Variants in MARCHF8 observed in about 807,000 individuals in gnomAD.
MARCHF8 encodes membrane associated ring-CH-type finger 8.
A neutral mutation model predicts 51.6 loss-of-function variants in MARCHF8; 40 were observed. That is an observed-to-expected ratio of 0.77 (90% CI 0.60 to 1.01). MARCHF8 has a LOEUF of 1.01. Ranked by LOEUF, MARCHF8 falls within the 50% of genes least tolerant of loss-of-function variation. The pLI is 0.00. For synonymous variants in MARCHF8, 263 were observed against 280.3 expected (o/e 0.94, Z 0.62); for missense variants, 685 against 708.6 (o/e 0.97, Z 0.38).
At chr10:45,573,220 A>G (rs2044451603) in intron 1 of MARCHF8, among the ~76,000 whole-genome samples, 1 of 152,144 alleles carries the variant, frequency 6.6e-6, no homozygotes, top group Non-Finnish European at 1.5e-5. Flanking sequence ...ATGCATTTTA[A>G]CACCCAGTCA....
chr10:45,463,094 G>C (rs1842844961), intron 5 of MARCHF8, 57 bp downstream of exon 5: 1 of 1,492,692 alleles, frequency 6.7e-7, no homozygotes, highest in Non-Finnish European at 8.9e-7. Flanking sequence ...ACTAAAGCAA[G>C]AGGAGGTTCC....
intron 2 of MARCHF8, among the ~76,000 whole-genome samples, chr10:45,512,461 C>T (rs1183274101): frequency 4.0e-5 from 6 of 151,174 alleles, no homozygotes; most frequent in Non-Finnish European, 5.9e-5. Flanking sequence ...TCTGCCCGGC[C>T]GCCCCTACTG....
chr10:45,500,637 C>T (rs2043261648), intron 2 of MARCHF8, among the ~76,000 whole-genome samples: 2 of 151,938 alleles, frequency 1.3e-5, no homozygotes, highest in Non-Finnish European at 2.9e-5. Flanking sequence ...TTCTACTATT[C>T]TGATGCATCA....
At chr10:45,480,007 T>C (rs1264135714) in intron 3 of MARCHF8, among the ~76,000 whole-genome samples, 1 of 152,198 alleles carries the variant, frequency 6.6e-6, no homozygotes, top group Non-Finnish European at 1.5e-5. Flanking sequence ...GATCATGATA[T>C]GGACAATGAA....
At chr10:45,519,111 A>T (rs2043666083) in intron 2 of MARCHF8, among the ~76,000 whole-genome samples, 1 of 152,244 alleles carries the variant, frequency 6.6e-6, no homozygotes, top group Admixed American at 6.5e-5. Context: ...AAATGAAAAT[A>T]TAAAATATGT....
At chr10:45,511,863 C>A (rs1348950613) in intron 2 of MARCHF8, among the ~76,000 whole-genome samples, 1 of 151,858 alleles carries the variant, frequency 6.6e-6, no homozygotes, top group Non-Finnish European at 1.5e-5. Context: ...CTCTGCCTGG[C>A]CGCCCATCGT....
chr10:45,585,094 A>G (rs2044604214), intron 1 of MARCHF8, among the ~76,000 whole-genome samples: 1 of 152,196 alleles, frequency 6.6e-6, no homozygotes, highest in South Asian at 2.1e-4. Context: ...TGCATTTCTG[A>G]CCTATAGGAC....
At chr10:45,513,299 T>A (rs1227060781) in intron 2 of MARCHF8, among the ~76,000 whole-genome samples, 2 of 152,116 alleles carry the variant, frequency 1.3e-5, no homozygotes, top group Admixed American at 1.3e-4. Flanking sequence ...TATGAGCAAG[T>A]AACCTTTCTA....
intron 1 of MARCHF8, among the ~76,000 whole-genome samples, chr10:45,543,446 A>G (rs770009678): frequency 3.2e-4 from 49 of 152,200 alleles, no homozygotes; most frequent in Admixed American, 2.7e-3. Context: ...ACCATTAATA[A>G]AACTCAAGAT....
chr10:45,548,970 G>C lies in MARCHF8; in HGVS notation c.-78-15681C>G, dbSNP rs370947940. Reference sequence around the variant, plus strand: ...AGATCATGCCATTGCACTCCAGCCTGGGTGACAAGAGCAAGACTCCATCTC... The same window carrying C: ...AGATCATGCCATTGCACTCCAGCCTCGGTGACAAGAGCAAGACTCCATCTC... On this transcript the variant is annotated intron_variant, in intron 1 of 6. Coordinates refer to the MARCHF8 transcript ENST00000319836. 1.9e-3 allele frequency among the ~76,000 whole-genome samples: 290 copies of C among 151,424 alleles called. 1 individual carries two copies. The highest frequency in any genetic ancestry group is 6.6e-3 in the African/African-American group (271 of 41,226).
upstream of MARCHF8, among the ~76,000 whole-genome samples, chr10:45,537,911 A>T (rs2043996262): frequency 6.6e-6 from 1 of 152,174 alleles, no homozygotes; most frequent in Non-Finnish European, 1.5e-5. Context: ...AGTATATTAA[A>T]GCCATAGAAA....
At chr10:45,591,208 C>T (rs568151682) in intron 1 of MARCHF8, among the ~76,000 whole-genome samples, 1 of 152,200 alleles carries the variant, frequency 6.6e-6, no homozygotes, top group African/African-American at 2.4e-5. Context: ...AAACAGACAG[C>T]CTTGCTGCTC....
chr10:45,493,901 T>C (rs2043127516), intron 2 of MARCHF8, among the ~76,000 whole-genome samples: 2 of 152,204 alleles, frequency 1.3e-5, no homozygotes, highest in Admixed American at 1.3e-4. Flanking sequence ...TCCTCCCACC[T>C]CAACCTCCCA....
At chr10:45,521,399 T>TAA (rs1397468675) in intron 2 of MARCHF8, among the ~76,000 whole-genome samples, 4 of 152,204 alleles carry the variant, frequency 2.6e-5, no homozygotes, top group African/African-American at 9.7e-5. Context: ...AGAGACATAG[T>TAA]AAAATGTAGG....
intron 2 of MARCHF8, among the ~76,000 whole-genome samples, chr10:45,499,269 A>T (rs936292585): frequency 3.3e-5 from 5 of 152,128 alleles, no homozygotes; most frequent in Admixed American, 6.6e-5. Context: ...GTGTCTATTC[A>T]AGCATTTTAG....
At chr10:45,532,242 A>G (rs1418682536) in intron 2 of MARCHF8, among the ~76,000 whole-genome samples, 2 of 152,384 alleles carry the variant, frequency 1.3e-5, no homozygotes, top group African/African-American at 4.8e-5. Context: ...AAATTCAATA[A>G]GGCTTTATTA....
At chr10:45,522,527 G>C (rs2043724430) in intron 2 of MARCHF8, among the ~76,000 whole-genome samples, 1 of 152,158 alleles carries the variant, frequency 6.6e-6, no homozygotes, top group Non-Finnish European at 1.5e-5. Flanking sequence ...CCCAATTTGG[G>C]TGTATGACTG....
chr10:45,551,277 T>G (rs184230691), intron 1 of MARCHF8, among the ~76,000 whole-genome samples: 73 of 152,320 alleles, frequency 4.8e-4, no homozygotes, highest in Admixed American at 1.2e-3. Context: ...AACATTATCA[T>G]AAGTCAGAAG....
intron 1 of MARCHF8, chr10:45,593,625 C>T (rs2044705350): frequency 6.6e-6 from 1 of 152,292 alleles, no homozygotes; most frequent in African/African-American, 2.4e-5. Flanking sequence ...ATCGGAGCAA[C>T]TAAATCAGCA....
Sources: gnomAD v4.1 joint callset for allele counts (sites outside exome capture counted in the v4.1 genomes callset) on GRCh38, gnomAD v4.1.1 for gene constraint, MANE v1.5 for transcripts, NCBI Gene and HGNC (gene_info 2026-07-23, HGNC 2026-07-21) for gene names.